Variants in BMP4 observed in about 807,000 individuals in gnomAD.
BMP4 encodes the protein bone morphogenetic protein 4.
Under a neutral mutation model 29.6 loss-of-function variants are expected in BMP4, and 3 were observed. The observed-to-expected ratio is 0.10, with a 90% CI of 0.05 to 0.26. The LOEUF (loss-of-function observed/expected upper bound fraction) is 0.26. Ranked by LOEUF, BMP4 falls within the 10% of genes least tolerant of loss-of-function variation. BMP4 has a pLI of 1.00. For synonymous variants in BMP4, 197 were observed against 213.2 expected (o/e 0.92, Z 0.66); for missense variants, 455 against 550.2 (o/e 0.83, Z 1.73).
Position 53,952,142 on chromosome 14 carries a change from T to C in BMP4, c.81A>G (p.Ile27Met), listed in dbSNP as rs1486737404. ...LLGGASHASL[I>M]PETGKKKVAE... ...CGACTTTTTTCTTCCCCGTCTCAGGTATCAAACTAGCATGGCTCGCGCCTC... is the reference window on the plus strand; with the variant it reads ...CGACTTTTTTCTTCCCCGTCTCAGGCATCAAACTAGCATGGCTCGCGCCTC... Residue 27 changes from isoleucine (I) to methionine (M), a missense_variant, in exon 3 of 4, where the codon ATA becomes ATG. By Grantham distance (10) the Ile-to-Met change is conservative. This residue lies in a region of BMP4 where 249 missense variants were observed against 284.6 expected (regional missense o/e 0.87). Transcript: ENST00000245451. 3 of 1,613,870 alleles carry C rather than the reference T, an allele frequency of 1.9e-6. No homozygotes were observed. In the African/African-American group the frequency reaches 4.0e-5, roughly 22 times the overall value.
Position 53,955,259 on chromosome 14 carries a change from G to A in BMP4, c.-133+1291C>T, listed in dbSNP as rs1025224928. Among the ~76,000 whole-genome samples, 3 of 152,082 alleles carry A rather than the reference G, an allele frequency of 2.0e-5. No individual in the cohort carries two copies. Among genetic ancestry groups the A allele is most frequent in the Admixed American group, 6.5e-5 (1 of 15,274 alleles). ...AGGCAAGCTGTGCCCGCGGGGCAAA[G>A]GGACAGTAGAAGGGGCGGGCGCCCG... On this transcript the variant is annotated intron_variant, in intron 1 of 3. Transcript: ENST00000245451. This position sits in a 1 kb window ranked among gnomAD's most constrained non-coding sequence, Gnocchi z 4.0.
chr14:53,954,721 T>C lies in BMP4; in HGVS notation c.-132-1321A>G, dbSNP rs1317126606. The stretch of plus-strand genomic sequence containing the variant: ...GCAAGGGCCTCTTCGAAAACCCGAC[T>C]AGGCGCAACTCAGCGTTCAGCAGGG... On this transcript the variant is annotated intron_variant, in intron 1 of 3. Coordinates refer to ENST00000245451, the MANE Select transcript of BMP4 (RefSeq NM_001202.6). This position sits in a 1 kb window ranked among gnomAD's most constrained non-coding sequence, Gnocchi z 4.8. Among the ~76,000 whole-genome samples, 1 of 152,014 alleles carries C rather than the reference T, an allele frequency of 6.6e-6. No individual in the cohort carries two copies. Among genetic ancestry groups the C allele is most frequent in the African/African-American group, 2.4e-5 (1 of 41,398 alleles).
rs750057569 is a variant in BMP4 at position 53,950,856 on chromosome 14, T to C, written c.403A>G (p.Asn135Asp). 1.2e-6 allele frequency: 2 copies of C among 1,605,798 alleles called. No individual in the cohort carries two copies. Among genetic ancestry groups the C allele is most frequent in the East Asian group, 2.2e-5 (1 of 44,884 alleles). Residue 135 changes from asparagine (N) to aspartate (D), a missense_variant, in exon 4 of 4, where the codon AAC (asparagine) becomes GAC (aspartate). Physicochemically the swap from Asn to Asp is conservative, Grantham distance 23 (BLOSUM62 1). Transcript: ENST00000245451. This position sits in a 1 kb window ranked among gnomAD's most constrained non-coding sequence, Gnocchi z 5.4. ...TTAAAGAGGAAACGAAAAGCAGAGT[T>C]TTCACTGGTCCCTGGGATGTTCTCC... is the stretch of plus-strand genomic sequence containing the variant. ...HLENIPGTSE[N>D]SAFRFLFNLS...
chr14:53,952,070 A>G lies in BMP4; in HGVS notation c.153T>C (p.His51=), dbSNP rs950786038. Residue 51 remains histidine (H), a synonymous_variant, in exon 3 of 4, where the codon CAT becomes CAC. Coordinates refer to ENST00000245451, the MANE Select transcript of BMP4 (RefSeq NM_001202.6). ...TCGCCTCGAAGTCCCGCAGGAGCTC[A>G]TGGCTCTGCCCTGAGCGGCGTCCTC... is the stretch of plus-strand genomic sequence containing the variant. ...HAGGRRSGQS[H]ELLRDFEATL... is the part of the protein sequence containing the mutation. 9 of 1,614,194 alleles carry G rather than the reference A, an allele frequency of 5.6e-6. No individual in the cohort carries two copies. Among genetic ancestry groups the G allele is most frequent in the Non-Finnish European group, 6.8e-6 (8 of 1,180,022 alleles).
rs1477954147 is a variant in BMP4 at position 53,949,961 on chromosome 14, CGTGTGTGTGTGGTGTATGTGGT to C, written c.*49_*70del. On this transcript the variant is annotated 3_prime_UTR_variant, in exon 4 of 4. Transcript: ENST00000245451. ...TAGTGTGTGGGTGAGTGGATGGGAA[CGTGTGTGTGTGGTGTATGTGGT>C]GTGTGTGTGTGGTGTGTATATCTGT... 4 of 1,517,860 alleles carry C rather than the reference CGTGTGTGTGTGGTGTATGTGGT, an allele frequency of 2.6e-6. No homozygotes were observed. Among genetic ancestry groups the C allele is most frequent in the South Asian group, 1.2e-5 (1 of 86,454 alleles). 94.0% of individuals were successfully genotyped at this position (1,517,860 alleles called of 1,614,324 possible). A position where few individuals can be genotyped will look rare whatever the true frequency, so the allele number is the denominator to read the frequency against.
In BMP4 at chr14:53,950,107, C is replaced by T. The variant is rs749154091; in HGVS notation, c.1152G>A (p.Leu384=). The T allele has an allele frequency of 5.0e-6, 8 of 1,614,118 alleles. No homozygotes were observed. The highest frequency in any genetic ancestry group is 6.8e-6 in the Non-Finnish European group (8 of 1,180,018). ...VPTELSAISM[L]YLDEYDKVVL... ...CCACCTTATCATACTCATCCAGGTACAGCATGGAGATGGCACTCAGTTCAG... is the reference window on the plus strand; with the variant it reads ...CCACCTTATCATACTCATCCAGGTATAGCATGGAGATGGCACTCAGTTCAG... The change falls in exon 4 of 4, where the codon CTG becomes CTA. Residue 384 remains leucine (L), a synonymous_variant. Transcript: ENST00000245451. The surrounding 1 kb of genome is among the most constrained non-coding windows in gnomAD (Gnocchi z 5.4).
rs1895668749 is a variant in BMP4 at position 53,955,249 on chromosome 14, G to A, written c.-133+1301C>T. ...AAGCAGACGGAGGCAAGCTGTGCCC[G>A]CGGGGCAAAGGGACAGTAGAAGGGG... On this transcript the variant is annotated intron_variant, in intron 1 of 3. Coordinates refer to ENST00000245451, the MANE Select transcript of BMP4 (RefSeq NM_001202.6). The surrounding 1 kb of genome is among the most constrained non-coding windows in gnomAD (Gnocchi z 4.0). 6.6e-6 allele frequency among the ~76,000 whole-genome samples: 1 copy of A among 152,174 alleles called. No individual in the cohort carries two copies.
chr14:53,951,829 C>A lies in BMP4; in HGVS notation c.370+24G>T, dbSNP rs768455462. ...AGCCAGTCCCACCAGCCCTCCCCCA[C>A]GCAGACTGGGGGAAGAGACTGACCT... On this transcript the variant is annotated intron_variant, in intron 3 of 3. Coordinates refer to ENST00000245451, the MANE Select transcript of BMP4 (RefSeq NM_001202.6). The A allele has an allele frequency of 1.6e-5, 26 of 1,598,040 alleles. 2 individuals carry two copies. The South Asian group carries it at 2.3e-4, about 14-fold the overall frequency.
In BMP4 at chr14:53,953,360, T is replaced by G. The variant is rs754756046; in HGVS notation, c.-92A>C. ...ACTTGCTGGAAAGGCTCAGGGAAGC[T>G]GCAGCAGTGCGTTGCTCGGGATGGC... On this transcript the variant is annotated 5_prime_UTR_variant, in exon 2 of 4. Transcript: ENST00000245451. The G allele has an allele frequency of 2.5e-6, 1 of 399,242 alleles. No individual in the cohort carries two copies. Among genetic ancestry groups the G allele is most frequent in the Admixed American group, 4.4e-5 (1 of 22,744 alleles). The allele number at this position is 399,242 out of a possible 1,614,324, so 24.7% of individuals were successfully genotyped here.
chr14:53,951,013 T>C (rs1895379027), intron 3 of BMP4, 125 bp from the exon 4 acceptor site: 5 of 1,339,936 alleles, frequency 3.7e-6, no homozygotes, highest in Non-Finnish European at 5.2e-6. Flanking sequence ...AGGGGAAACC[T>C]ACTGGGGGAA....
Position 53,949,888 on chromosome 14 carries a change from T to A in BMP4, c.*144A>T. 4 of 916,058 alleles carry A rather than the reference T, an allele frequency of 4.4e-6. No homozygotes were observed. The highest frequency in any genetic ancestry group is 2.7e-5 in the East Asian group (1 of 37,298). 56.7% of individuals were successfully genotyped at this position (916,058 alleles called of 1,614,324 possible). On this transcript the variant is annotated 3_prime_UTR_variant, in exon 4 of 4. Transcript: ENST00000245451. The stretch of plus-strand genomic sequence containing the variant: ...GAATGTTTAGGGATTTTTTCCTTTT[T>A]TTTTTTTTTTTTTAAATAAAAGTCC...
At position 53,954,688 on chromosome 14, in the gene BMP4, C is replaced by T. The variant is rs770155760; in HGVS notation, c.-132-1288G>A. The stretch of plus-strand genomic sequence containing the variant: ...CGAAGATGCTGCCGCGCGCGTGGGT[C>T]GCTCTGCGCAAGGGCCTCTTCGAAA... On this transcript the variant is annotated intron_variant, in intron 1 of 3. Coordinates refer to ENST00000245451, the MANE Select transcript of BMP4 (RefSeq NM_001202.6). The surrounding 1 kb of genome is among the most constrained non-coding windows in gnomAD (Gnocchi z 4.8). 1 of 152,212 alleles carries T rather than the reference C, an allele frequency of 6.6e-6. No individual in the cohort carries two copies. Among genetic ancestry groups the T allele is most frequent in the Non-Finnish European group, 1.5e-5 (1 of 68,066 alleles). 9.4% of individuals were successfully genotyped at this position (152,212 alleles called of 1,614,324 possible). A position where few individuals can be genotyped will look rare whatever the true frequency, so the allele number is the denominator to read the frequency against.
At chr14:53,952,494 C>G (rs1895496925) in intron 2 of BMP4, among the ~76,000 whole-genome samples, 1 of 152,064 alleles carries the variant, frequency 6.6e-6, no homozygotes, top group South Asian at 2.1e-4. Flanking sequence ...ATCAGATAGC[C>G]TCCATCCTGT....
intron 1 of BMP4, 119 bp downstream of exon 1, chr14:53,956,431 T>G: frequency 2.5e-6 from 1 of 398,278 alleles, no homozygotes; most frequent in Middle Eastern, 6.3e-4. Flanking sequence ...CCAGCACCAC[T>G]ATTGGAAAAT....
rs1454193773 is a variant in BMP4, at chr14:53,952,103, G to A, written c.120C>T (p.Gly40=). The part of the protein sequence containing the change: ...TGKKKVAEIQ[G]HAGGRRSGQS... ...GCCCTGAGCGGCGTCCTCCCGCGTG[G>A]CCCTGAATCTCGGCGACTTTTTTCT... Residue 40 remains glycine, a synonymous_variant, in exon 3 of 4, where the codon GGC becomes GGT. Coordinates refer to ENST00000245451, the MANE Select transcript of BMP4 (RefSeq NM_001202.6). The A allele has an allele frequency of 1.2e-6, 2 of 1,613,724 alleles. No homozygotes were observed. Among genetic ancestry groups the A allele is most frequent in the South Asian group, 2.2e-5 (2 of 91,074 alleles).
Position 53,952,005 on chromosome 14 carries a change from G to GGCT in BMP4, c.215_217dup (p.Gln72dup), listed in dbSNP as rs1375172249. ...GTCCGGAATGACGGCACTCTTGCTA[G>GGCT]GCTGCGGGCGGCGGCGCAGCCCAAA... On this transcript the variant is annotated inframe_insertion, in exon 3 of 4. Transcript: ENST00000245451. 4 of 1,613,872 alleles carry GGCT rather than the reference G, an allele frequency of 2.5e-6. No homozygotes were observed. Among genetic ancestry groups the GGCT allele is most frequent in the Non-Finnish European group, 3.4e-6 (4 of 1,180,038 alleles).
At chr14:53,952,301 G>T in intron 2 of BMP4, 72 bp from the exon 3 acceptor site, 2 of 1,539,884 alleles carry the variant, frequency 1.3e-6, no homozygotes, top group Non-Finnish European at 1.8e-6. Flanking sequence ...ATAGAGATGT[G>T]TCTGCATATG....
Position 53,955,231 on chromosome 14 carries a change from C to A in BMP4, c.-133+1319G>T, listed in dbSNP as rs959625287. 6.6e-6 allele frequency among the ~76,000 whole-genome samples: 1 copy of A among 152,308 alleles called. No individual in the cohort carries two copies. Among genetic ancestry groups the A allele is most frequent in the East Asian group, 1.9e-4 (1 of 5,150 alleles). ...GAGGTCCAGAAGTAGAGAAAGCAGA[C>A]GGAGGCAAGCTGTGCCCGCGGGGCA... On this transcript the variant is annotated intron_variant, in intron 1 of 3. Transcript: ENST00000245451. The surrounding 1 kb of genome is among the most constrained non-coding windows in gnomAD (Gnocchi z 4.0).
At position 53,956,540 on chromosome 14, in the gene BMP4, C is replaced by A. The variant is rs1895726330; in HGVS notation, c.-133+10G>T. ...CTGCCTGTCTCCCCTCACCAGGTAG[C>A]CTTGCTCACCATAGGTCCCTGCAGT... On this transcript the variant is annotated intron_variant, in intron 1 of 3. Coordinates refer to ENST00000245451, the MANE Select transcript of BMP4 (RefSeq NM_001202.6). 1 of 399,638 alleles carries A rather than the reference C, an allele frequency of 2.5e-6. No homozygotes were observed. The highest frequency in any genetic ancestry group is 1.3e-4 in the South Asian group (1 of 7,878). The allele number at this position is 399,638 out of a possible 1,614,324, so 24.8% of individuals were successfully genotyped here. A position where few individuals can be genotyped will look rare whatever the true frequency, so the allele number is the denominator to read the frequency against.
Sources: allele counts gnomAD v4.1 joint callset (sites outside exome capture counted in the v4.1 genomes callset), GRCh38; gene constraint gnomAD v4.1.1; regional missense constraint gnomAD v4.1.1; non-coding constraint Gnocchi (gnomAD v3.1); transcripts MANE v1.5; gene names NCBI Gene and HGNC (gene_info 2026-07-23, HGNC 2026-07-21).